NPHS1: variants seen among roughly 807,000 people sequenced by gnomAD.
NPHS1 encodes the protein NPHS1 adhesion molecule, nephrin.
A neutral mutation model predicts 139.7 loss-of-function variants in NPHS1; 107 were observed. That is an observed-to-expected ratio of 0.77 (90% CI 0.66 to 0.90). The LOEUF is 0.90. NPHS1 is among the 40% of genes least tolerant of loss of function. The probability of loss-of-function intolerance (pLI) is 0.00; values close to 1 mark genes in which losing one functional copy is unlikely to be tolerated. For missense variants in NPHS1, 1,580 were observed against 1,654.2 expected (o/e 0.96, Z 0.78); for synonymous variants, 707 against 706.6 (o/e 1.00, Z -0.01).
chr19:35,839,313 G>A lies in NPHS1; in HGVS notation c.3033C>T (p.Val1011=). 6.2e-7 allele frequency: 1 copy of A among 1,614,212 alleles called. No individual in the cohort carries two copies. Among genetic ancestry groups the A allele is most frequent in the Non-Finnish European group, 8.5e-7 (1 of 1,180,042 alleles). ...CCAAGGCATTACTGGCCAGCAGCCA[G>A]ACCCTGTATCTTGTAGAAGGCTGTA... ...TGLQPSTRYR[V]WLLASNALGD... Residue 1011 remains valine, a synonymous_variant, in exon 22 of 29, where the codon GTC becomes GTT. Transcript: ENST00000378910.
rs1973096262 is a variant in NPHS1, at chr19:35,843,936, G to C, written c.2212+167C>G. 4.3e-6 allele frequency: 4 copies of C among 930,128 alleles called. No individual in the cohort carries two copies. The South Asian group carries it at 6.6e-5, about 15-fold the overall frequency. The allele number at this position is 930,128 out of a possible 1,614,324, so 57.6% of individuals were successfully genotyped here. On this transcript the variant is annotated intron_variant, in intron 16 of 28. Coordinates refer to ENST00000378910, the MANE Select transcript of NPHS1 (RefSeq NM_004646.4). ...ATTCCACACTGGGTCTCTCTAGTGGGAGGGGTTCCGCAGTGGGCGTGGTTA... is the reference window on the plus strand; with the variant it reads ...ATTCCACACTGGGTCTCTCTAGTGGCAGGGGTTCCGCAGTGGGCGTGGTTA...
chr19:35,841,955 C>T (rs929250351), intron 19 of NPHS1, 89 bp from the exon 20 acceptor site: 81 of 1,458,756 alleles, frequency 5.6e-5, no homozygotes, highest in Non-Finnish European at 6.8e-5. Context: ...TTAATGTAAC[C>T]GTCTGCCTAT....
Position 35,848,639 on chromosome 19 carries a change from C to T in NPHS1, c.1168G>A (p.Asp390Asn), listed in dbSNP as rs1336745494. 1 of 1,613,478 alleles carries T rather than the reference C, an allele frequency of 6.2e-7. No homozygotes were observed. Among genetic ancestry groups the T allele is most frequent in the African/African-American group, 1.3e-5 (1 of 74,892 alleles). Residue 390 changes from aspartate to asparagine, a missense_variant and splice_region_variant, in exon 9 of 29, where the codon GAT becomes AAT. Coordinates refer to ENST00000378910, the MANE Select transcript of NPHS1 (RefSeq NM_004646.4). ...CAGGAGCCTGGCCCCCGCCTCACAT[C>T]CATGACTGTCTCCTCCATGGGCAGC... is the stretch of plus-strand genomic sequence containing the variant. ...QLLPMEETVM[D>N]GLHGGHISMS...
At chr19:35,834,850 A>G (rs1247885317) in intron 23 of NPHS1, among the ~76,000 whole-genome samples, 1 of 151,104 alleles carries the variant, frequency 6.6e-6, no homozygotes, top group East Asian at 1.9e-4. Context: ...GCACCACTGC[A>G]CTCCAGCCTG....
At chr19:35,850,041 G>T (rs963953431) in intron 5 of NPHS1, among the ~76,000 whole-genome samples, 1 of 152,192 alleles carries the variant, frequency 6.6e-6, no homozygotes, top group African/African-American at 2.4e-5. Flanking sequence ...TCAGCCCCCT[G>T]AGGAGCTGGG....
At chr19:35,850,504 A>G in intron 4 of NPHS1, 59 bp from the exon 5 acceptor site, 2 of 1,467,644 alleles carry the variant, frequency 1.4e-6, no homozygotes, top group Non-Finnish European at 1.9e-6. Flanking sequence ...GATTCTGGGG[A>G]GCATGGCCTG....
intron 22 of NPHS1, among the ~76,000 whole-genome samples, chr19:35,837,849 G>T (rs977053701): frequency 6.8e-6 from 1 of 147,900 alleles, no homozygotes; most frequent in Admixed American, 6.9e-5. Context: ...TAATACACCC[G>T]CCTTGGCCTC....
At chr19:35,828,733 A>G (rs955609551) in intron 28 of NPHS1, among the ~76,000 whole-genome samples, 4 of 152,220 alleles carry the variant, frequency 2.6e-5, no homozygotes, top group South Asian at 2.1e-4. Context: ...TTACGGTGGC[A>G]GAGTTTGTGT....
At chr19:35,837,967 C>T (rs1162497409) in intron 22 of NPHS1, among the ~76,000 whole-genome samples, 1 of 117,622 alleles carries the variant, frequency 8.5e-6, no homozygotes, top group Non-Finnish European at 1.7e-5. Flanking sequence ...AAAACGAAAA[C>T]TAGTCCAGTC....
chr19:35,851,019 G>C lies in NPHS1; in HGVS notation c.468C>G (p.Tyr156Ter), dbSNP rs386833943. The C allele has an allele frequency of 1.2e-6, 2 of 1,614,172 alleles. No individual in the cohort carries two copies. Among genetic ancestry groups the C allele is most frequent in the Non-Finnish European group, 1.7e-6 (2 of 1,180,030 alleles). Residue 156 changes from tyrosine (Y) to a stop codon, truncating the protein, a stop_gained, in exon 4 of 29, where the codon TAC becomes TAG. Transcript: ENST00000378910. LOFTEE classifies it high-confidence loss of function. Reference sequence around the variant, plus strand: ...CGTCCCCAGACACACAGTTGACCACGTACTCCTGCCCAGCTACCCAGGTGA... The same window carrying C: ...CGTCCCCAGACACACAGTTGACCACCTACTCCTGCCCAGCTACCCAGGTGA... Reference protein sequence around the residue: ...TMVTWVAGQEYVVNCVSGDAK... With the variant: ...TMVTWVAGQE
Position 35,845,851 on chromosome 19 carries a change from T to G in NPHS1, c.1628-53A>C. On this transcript the variant is annotated intron_variant, in intron 12 of 28. Transcript: ENST00000378910. This position sits in a 1 kb window ranked among gnomAD's most constrained non-coding sequence, Gnocchi z 5.5. ...CTCAGAGGTTAGGGGCGGCCTGGTC[T>G]GCGTCCACCCCGCCTGCACCCCAGG... is the stretch of plus-strand genomic sequence containing the variant. 2 of 1,590,218 alleles carry G rather than the reference T, an allele frequency of 1.3e-6. 1 individual carries two copies. Among genetic ancestry groups the G allele is most frequent in the South Asian group, 2.2e-5 (2 of 89,288 alleles).
chr19:35,845,520 G>T lies in NPHS1; in HGVS notation c.1778C>A (p.Pro593Gln), dbSNP rs1340368240. Residue 593 changes from proline to glutamine, a missense_variant, in exon 14 of 29, where the codon CCA becomes CAA. Physicochemically the swap from Pro to Gln is moderately conservative, Grantham distance 76 (BLOSUM62 -1). Transcript: ENST00000378910. The surrounding 1 kb of genome is among the most constrained non-coding windows in gnomAD (Gnocchi z 5.5). ...EGERLEGVAAPPRRAPFKGSA... is the reference protein window; with the variant it reads ...EGERLEGVAAQPRRAPFKGSA... ...GCCTTTGAATGGGGCTCTCCGGGGT[G>T]GGGCGGCCACGCCCTCCAGCCTGTG... 1.2e-6 allele frequency: 2 copies of T among 1,608,658 alleles called. No homozygotes were observed. Among genetic ancestry groups the T allele is most frequent in the East Asian group, 2.2e-5 (1 of 44,658 alleles).
At chr19:35,836,619 G>A (rs1972965509) in intron 22 of NPHS1, among the ~76,000 whole-genome samples, 1 of 152,066 alleles carries the variant, frequency 6.6e-6, no homozygotes, top group South Asian at 2.1e-4. Context: ...GGGGGGAAGA[G>A]CAGAGAAGAT....
Position 35,848,022 on chromosome 19 carries a change from G to A in NPHS1, c.1440+19C>T, listed in dbSNP as rs113470432. 1,369 of 1,612,976 alleles carry A rather than the reference G, an allele frequency of 8.5e-4. 15 individuals are homozygous for A. The African/African-American group carries it at 0.017, about 20-fold the overall frequency. On this transcript the variant is annotated intron_variant, in intron 11 of 28. Transcript: ENST00000378910. ...CCCCACATTCCTGGCCACCCCCATA[G>A]CCCTGGCGTGGCACCAACCTTGTAC...
At chr19:35,844,028 C>G in intron 16 of NPHS1, 75 bp downstream of exon 16, 1 of 1,562,210 alleles carries the variant, frequency 6.4e-7, no homozygotes, top group Non-Finnish European at 8.7e-7. Context: ...GTGGGCGGAG[C>G]TCCCACAATG....
At chr19:35,826,825 G>A (rs781176175) in intron 28 of NPHS1, among the ~76,000 whole-genome samples, 180 bp from the exon 29 acceptor site, 6 of 152,196 alleles carry the variant, frequency 3.9e-5, no homozygotes, top group Non-Finnish European at 5.9e-5. Flanking sequence ...TGAACCCCAT[G>A]TGCTTATCAC....
intron 23 of NPHS1, among the ~76,000 whole-genome samples, chr19:35,833,694 G>C (rs1247433922): frequency 1.3e-5 from 2 of 151,900 alleles, no homozygotes; most frequent in Non-Finnish European, 2.9e-5. Flanking sequence ...CATATACCAA[G>C]ACTTTTTCTT....
chr19:35,833,422 A>G (rs10409299), intron 23 of NPHS1, among the ~76,000 whole-genome samples: 34,447 of 152,106 alleles, frequency 0.23, 4,024 homozygotes, highest in Middle Eastern at 0.31. Flanking sequence ...CGGCCTGGAA[A>G]ATAAGAGTCT....
At position 35,848,260 on chromosome 19, in the gene NPHS1, G is replaced by A. The variant is rs372707993; in HGVS notation, c.1308C>T (p.Asn436=). 78 of 1,614,110 alleles carry A rather than the reference G, an allele frequency of 4.8e-5. No individual in the cohort carries two copies. The highest frequency in any genetic ancestry group is 4.0e-4 in the African/African-American group (30 of 75,024). ...KETFKKSLIL[N]VKYPAQKLWI... ...GCCAGGGCAGGGGCTCACATTTTAC[G>A]TTCAGGATGAGCGACTTCTTGAAGG... is the stretch of plus-strand genomic sequence containing the variant. Residue 436 remains asparagine (N), a synonymous_variant, in exon 10 of 29, where the codon AAC becomes AAT. Coordinates refer to ENST00000378910, the MANE Select transcript of NPHS1 (RefSeq NM_004646.4).
Sources: gnomAD v4.1 joint callset for allele counts (sites outside exome capture counted in the v4.1 genomes callset) on GRCh38, gnomAD v4.1.1 for gene constraint, Gnocchi (gnomAD v3.1) non-coding constraint, MANE v1.5 for transcripts, NCBI Gene and HGNC (gene_info 2026-07-23, HGNC 2026-07-21) for gene names.